The following ODAD3 variants were observed in gnomAD, a reference collection of about 807,000 sequenced individuals.
The protein encoded by ODAD3 is outer dynein arm docking complex subunit 3, also known as outer dynein arm-docking complex subunit 3.
Under a neutral mutation model 70.9 loss-of-function variants are expected in ODAD3, and 57 were observed. The ratio of observed to expected loss-of-function variants is 0.80; its 90% CI spans 0.65 to 1.00. The LOEUF is 1.00. Among genes scored for constraint, ODAD3 ranks in the 50% least tolerant of loss-of-function variants. The pLI is 0.00. For missense variants in ODAD3, 797 were observed against 763.9 expected, an observed-to-expected ratio of 1.04 and a Z score of -0.51; for synonymous variants, 327 against 315.9, an observed-to-expected ratio of 1.04 and a Z score of -0.37.
chr19:11,424,596 A>T (rs200678786), intron 7 of ODAD3, among the ~76,000 whole-genome samples: 2,260 of 96,538 alleles, frequency 0.023, 120 homozygotes, highest in African/African-American at 0.082. Context: ...TATGTGTATA[A>T]ATATATATGT....
intron 3 of ODAD3, among the ~76,000 whole-genome samples, chr19:11,428,207 A>G (rs923460702): frequency 1.3e-5 from 2 of 151,902 alleles, no homozygotes; most frequent in Non-Finnish European, 2.9e-5. Flanking sequence ...AAGTGCTGAG[A>G]TTACAGGCAA....
chr19:11,426,061 C>T (rs982968791), intron 7 of ODAD3, 83 bp downstream of exon 7: 35 of 1,521,596 alleles, frequency 2.3e-5, no homozygotes, highest in Non-Finnish European at 2.9e-5. Context: ...GGGAGAAGGC[C>T]TAGGATGAGG....
At chr19:11,427,551 G>C (rs1487535568) in intron 3 of ODAD3, among the ~76,000 whole-genome samples, 1 of 150,134 alleles carries the variant, frequency 6.7e-6, no homozygotes, top group East Asian at 2.0e-4. Flanking sequence ...GCACGATCTC[G>C]GCTCACTGCA....
intron 7 of ODAD3, among the ~76,000 whole-genome samples, chr19:11,424,619 A>C (rs1262880002): frequency 8.1e-6 from 1 of 123,682 alleles, no homozygotes; most frequent in African/African-American, 3.9e-5. Flanking sequence ...ATATATACCT[A>C]TGTGTATATA....
In ODAD3 at chr19:11,420,664, T is replaced by G. The variant is rs1355115145; in HGVS notation, c.*171A>C. The stretch of plus-strand genomic sequence containing the variant: ...CCGGGGCGGACCCAGCTGGGGAGAT[T>G]TACTGTGGGAACGTCTGGCCCGGCC... On this transcript the variant is annotated 3_prime_UTR_variant, in exon 13 of 13. Coordinates refer to ENST00000356392, the MANE Select transcript of ODAD3 (RefSeq NM_145045.5). 5 of 610,590 alleles carry G rather than the reference T, an allele frequency of 8.2e-6. No homozygotes were observed. The East Asian group carries it at 1.1e-4, about 13-fold the overall frequency. The allele number at this position is 610,590 out of a possible 1,614,324, so 37.8% of individuals were successfully genotyped here.
upstream of ODAD3, chr19:11,435,295 C>T (rs1314558200): frequency 5.3e-6 from 5 of 946,960 alleles, no homozygotes; most frequent in Admixed American, 1.3e-4. Flanking sequence ...GGTAGAGCCG[C>T]GCCGCAGGAC....
At position 11,420,876 on chromosome 19, in the gene ODAD3, T is replaced by A. The variant is rs765475391; in HGVS notation, c.1747A>T (p.Ile583Phe). The change falls in exon 13 of 13, where the codon ATC becomes TTC. Residue 583 changes from isoleucine (I) to phenylalanine (F), a missense_variant. Coordinates refer to ENST00000356392, the MANE Select transcript of ODAD3 (RefSeq NM_145045.5). ...CGACGGTGCTTCTTGTGACTTTCGA[T>A]TAATTTCTGGGAACGGATCTTGAGT... ...ASLKIRSQKL[I>F]ESHKKHRRSR... is the part of the protein sequence containing the mutation. The A allele has an allele frequency of 2.5e-6, 4 of 1,613,822 alleles. No homozygotes were observed. The highest frequency in any genetic ancestry group is 2.5e-6 in the Non-Finnish European group (3 of 1,179,946).
At chr19:11,426,612 C>G in intron 5 of ODAD3, 41 bp from the exon 6 acceptor site, 3 of 1,613,694 alleles carry the variant, frequency 1.9e-6, no homozygotes, top group Non-Finnish European at 1.7e-6. Flanking sequence ...TGGTGCAGGT[C>G]TGTGACTGCT....
chr19:11,427,149 TC>T (rs887124174), intron 3 of ODAD3, 109 bp from the exon 4 acceptor site: 10 of 1,235,480 alleles, frequency 8.1e-6, no homozygotes, highest in Non-Finnish European at 1.1e-5. Flanking sequence ...GACTCCCCTC[TC>T]CCGTTTTCTA....
chr19:11,422,941 A>T lies in ODAD3; in HGVS notation c.1117-80T>A, dbSNP rs968929505. The T allele has an allele frequency of 1.3e-6, 2 of 1,489,790 alleles. No homozygotes were observed. The highest frequency in any genetic ancestry group is 2.8e-5 in the African/African-American group (2 of 72,240). The allele number at this position is 1,489,790 out of a possible 1,614,324, so 92.3% of individuals were successfully genotyped here. A position where few individuals can be genotyped will look rare whatever the true frequency, so the allele number is the denominator to read the frequency against. On this transcript the variant is annotated intron_variant, in intron 8 of 12. Transcript: ENST00000356392. The surrounding 1 kb of genome is among the most constrained non-coding windows in gnomAD (Gnocchi z 4.6). ...CCACCTCCTCTCCCCCACCCTGCGA[A>T]CCCTCGCACGCAGGACAGGTGGCCT...
At chr19:11,427,216 TTCTC>T (rs970586650) in intron 3 of ODAD3, among the ~76,000 whole-genome samples, 176 bp from the exon 4 acceptor site, 6 of 152,130 alleles carry the variant, frequency 3.9e-5, no homozygotes, top group African/African-American at 1.4e-4. Flanking sequence ...CACCGGAGTC[TTCTC>T]TCTGTCTATA....
Position 11,421,151 on chromosome 19 carries a change from G to A in ODAD3, c.1652C>T (p.Ala551Val), listed in dbSNP as rs1322853857. Residue 551 changes from alanine to valine, a missense_variant, in exon 12 of 13, where the codon GCC (alanine) becomes GTC (valine). Ala to Val is a moderately conservative substitution (Grantham distance 64). Coordinates refer to ENST00000356392, the MANE Select transcript of ODAD3 (RefSeq NM_145045.5). The stretch of plus-strand genomic sequence containing the variant: ...ACCAAAAAACTTGTCCTTGGAAGTG[G>A]CAAGGGGCAGGGCGATGCGGGTGTT... ...EYNTRIALPL[A>V]TSKDKFFDEE... 2.5e-6 allele frequency: 4 copies of A among 1,613,670 alleles called. No individual in the cohort carries two copies. The highest frequency in any genetic ancestry group is 2.2e-5 in the South Asian group (2 of 91,038).
rs1969319014 is a variant in ODAD3, at chr19:11,425,402, TATATATACATATATGTGTATATAC to T, written c.963+718_963+741del. Among the ~76,000 whole-genome samples the T allele has an allele frequency of 4.0e-4, 55 of 137,836 alleles. 1 individual carries two copies. Among genetic ancestry groups the T allele is most frequent in the African/African-American group, 1.4e-3 (47 of 32,556 alleles). The allele number at this position is 137,836 out of a possible 152,430, so 90.4% of individuals were successfully genotyped here. On this transcript the variant is annotated intron_variant, in intron 7 of 12. Coordinates refer to ENST00000356392, the MANE Select transcript of ODAD3 (RefSeq NM_145045.5). ...GTGTGTATGTACATATGTGTATATG[TATATATACATATATGTGTATATAC>T]ACATATGTGTATATGTATATATACA...
chr19:11,430,115 G>T (rs1969472224), intron 3 of ODAD3, among the ~76,000 whole-genome samples: 1 of 151,870 alleles, frequency 6.6e-6, no homozygotes, highest in Non-Finnish European at 1.5e-5. Context: ...CTTTTAAAAT[G>T]TTTTATTTTT....
chr19:11,429,102 C>A (rs561061395), intron 3 of ODAD3, among the ~76,000 whole-genome samples: 1 of 151,608 alleles, frequency 6.6e-6, no homozygotes, highest in Non-Finnish European at 1.5e-5. Flanking sequence ...TGGTCTCAAA[C>A]GCCCGACCTC....
In ODAD3 at chr19:11,425,624, T is replaced by TGCATATAC. The variant is rs1157553526; in HGVS notation, c.963+519_963+520insGTATATGC. On this transcript the variant is annotated intron_variant, in intron 7 of 12. Coordinates refer to ENST00000356392, the MANE Select transcript of ODAD3 (RefSeq NM_145045.5). ...ATATGTGTGTGTATATATGCATATA[T>TGCATATAC]GCATATATGTATATATATGTATATA... Among the ~76,000 whole-genome samples, 2 of 141,324 alleles carry TGCATATAC rather than the reference T, an allele frequency of 1.4e-5. 1 individual carries two copies. The highest frequency in any genetic ancestry group is 5.8e-5 in the African/African-American group (2 of 34,570). The allele number at this position is 141,324 out of a possible 152,430, so 92.7% of individuals were successfully genotyped here.
At position 11,426,167 on chromosome 19, in the gene ODAD3, CCA is replaced by C. The variant is rs761781827; in HGVS notation, c.938_939del (p.Leu313ArgfsTer56). On this transcript the variant is annotated frameshift_variant, in exon 7 of 13. Coordinates refer to ENST00000356392, the MANE Select transcript of ODAD3 (RefSeq NM_145045.5). LOFTEE classifies it high-confidence loss of function. ...ECKKRAEEKK[L>X]ENERMERKTH... ...ACCTTGCGCTCCATGCGCTCGTTCTCCAGTTTCTTCTCCTCGGCGCGCTTCTT... is the reference window on the plus strand; with the variant it reads ...ACCTTGCGCTCCATGCGCTCGTTCTCGTTTCTTCTCCTCGGCGCGCTTCTT... The C allele has an allele frequency of 7.6e-5, 123 of 1,612,014 alleles. No homozygotes were observed. The highest frequency in any genetic ancestry group is 1.0e-4 in the Non-Finnish European group (122 of 1,179,616).
chr19:11,424,282 T>C (rs922022774), intron 7 of ODAD3, among the ~76,000 whole-genome samples: 8 of 151,734 alleles, frequency 5.3e-5, no homozygotes, highest in Non-Finnish European at 1.2e-4. Context: ...GGCGGGAGGA[T>C]TGTTTGAGCC....
chr19:11,421,865 G>C (rs759253776), intron 10 of ODAD3, 33 bp from the exon 11 acceptor site: 11 of 1,594,670 alleles, frequency 6.9e-6, no homozygotes, highest in Non-Finnish European at 8.5e-7. Flanking sequence ...TCAGCCGAGA[G>C]GGGTGGGGCC....
Sources: allele counts gnomAD v4.1 joint callset (sites outside exome capture counted in the v4.1 genomes callset), GRCh38; gene constraint gnomAD v4.1.1; non-coding constraint Gnocchi (gnomAD v3.1); transcripts MANE v1.5; gene names NCBI Gene and HGNC (gene_info 2026-07-23, HGNC 2026-07-21).